Variants in XKR4 observed in about 807,000 individuals in gnomAD.
The protein encoded by XKR4 is XK related 4, also known as XK-related protein 4.
XKR4 carries 12 observed loss-of-function variants against 53.9 expected under a neutral mutation model. The ratio of observed to expected loss-of-function variants is 0.22; its 90% CI spans 0.14 to 0.36. XKR4 has a LOEUF of 0.36. XKR4 is among the 10% of genes least tolerant of loss of function. The pLI, the probability that XKR4 is intolerant of heterozygous loss-of-function variation, is 1.00. For missense variants in XKR4, 799 were observed against 859.5 expected, an observed-to-expected ratio of 0.93 and a Z score of 0.88; for synonymous variants, 354 against 362.4, an observed-to-expected ratio of 0.98 and a Z score of 0.26.
At chr8:55,452,899 T>C in intron 2 of XKR4, 1 of 790,380 alleles carries the variant, frequency 1.3e-6, no homozygotes, top group Admixed American at 1.7e-5. Context: ...ACGCAGTTGG[T>C]ATAGTGGATG....
intron 2 of XKR4, among the ~76,000 whole-genome samples, chr8:55,501,891 G>A (rs1242869129): frequency 6.6e-6 from 1 of 152,132 alleles, no homozygotes; most frequent in Admixed American, 6.5e-5. Flanking sequence ...CCCTGGGATA[G>A]CAGAATCCAC....
intron 1 of XKR4, among the ~76,000 whole-genome samples, chr8:55,133,430 C>T (rs1481466317): frequency 6.6e-6 from 1 of 152,182 alleles, no homozygotes; most frequent in Non-Finnish European, 1.5e-5. Flanking sequence ...TCCACACACT[C>T]GGTTCTGTTG....
At chr8:55,127,476 C>T (rs568207589) in intron 1 of XKR4, among the ~76,000 whole-genome samples, 223 of 151,708 alleles carry the variant, frequency 1.5e-3, no homozygotes, top group African/African-American at 2.3e-3. Context: ...TGGTCTCAAA[C>T]TCCTGAACTC....
chr8:55,420,446 C>T (rs1040945418), intron 2 of XKR4, among the ~76,000 whole-genome samples: 3 of 149,042 alleles, frequency 2.0e-5, no homozygotes, highest in African/African-American at 7.8e-5. Flanking sequence ...CCATGGAATA[C>T]TATGCAGCCA....
intron 2 of XKR4, among the ~76,000 whole-genome samples, chr8:55,468,427 C>A (rs1198009031): frequency 2.6e-5 from 4 of 152,066 alleles, no homozygotes; most frequent in Admixed American, 6.6e-5. Context: ...TTATCCCCAT[C>A]TCTGAGCACT....
chr8:55,255,498 G>A (rs952091432), intron 1 of XKR4, among the ~76,000 whole-genome samples: 22 of 152,016 alleles, frequency 1.4e-4, no homozygotes, highest in African/African-American at 3.4e-4. Context: ...TTTCATGAAG[G>A]CGAAGACTGG....
intron 1 of XKR4, among the ~76,000 whole-genome samples, chr8:55,126,669 G>A: frequency 6.6e-6 from 1 of 152,166 alleles, no homozygotes; most frequent in East Asian, 1.9e-4. Flanking sequence ...CAGACTTTCA[G>A]TTCTAGCTAC....
At chr8:55,449,727 G>A (rs1165881715) in intron 2 of XKR4, 43 of 927,434 alleles carry the variant, frequency 4.6e-5, no homozygotes, top group Non-Finnish European at 6.7e-5. Context: ...GTGTCCACAC[G>A]GTGGTCGTAG....
intron 2 of XKR4, among the ~76,000 whole-genome samples, chr8:55,509,959 A>C (rs2129404504): frequency 6.6e-6 from 1 of 151,510 alleles, no homozygotes; most frequent in Non-Finnish European, 1.5e-5. Context: ...TATTTGTAAA[A>C]CTCTACACTT....
chr8:55,498,697 C>T (rs569089246), intron 2 of XKR4, among the ~76,000 whole-genome samples: 1 of 152,240 alleles, frequency 6.6e-6, no homozygotes, highest in African/African-American at 2.4e-5. Flanking sequence ...CGCTTGAGGC[C>T]AGGAGGTCAA....
chr8:55,217,882 A>G (rs1002873716), intron 1 of XKR4, among the ~76,000 whole-genome samples: 1 of 152,224 alleles, frequency 6.6e-6, no homozygotes, highest in Non-Finnish European at 1.5e-5. Flanking sequence ...ATGGGGGAAA[A>G]AGTAAGAAGA....
chr8:55,383,647 A>G (rs1307085583), intron 2 of XKR4, among the ~76,000 whole-genome samples: 1 of 152,200 alleles, frequency 6.6e-6, no homozygotes, highest in Non-Finnish European at 1.5e-5. Flanking sequence ...TTTTCTAATA[A>G]TTAGAACAGT....
intron 1 of XKR4, among the ~76,000 whole-genome samples, chr8:55,318,840 T>C (rs952582560): frequency 6.6e-6 from 1 of 152,198 alleles, no homozygotes; most frequent in African/African-American, 2.4e-5. Flanking sequence ...AGAGTTGTTA[T>C]AAGTTTCTCT....
chr8:55,351,691 C>A lies in XKR4; in HGVS notation c.807-5987C>A, dbSNP rs191176793. Among the ~76,000 whole-genome samples the A allele has an allele frequency of 5.4e-4, 83 of 152,356 alleles. 2 individuals carry two copies. In the South Asian group the frequency reaches 0.016, roughly 29 times the overall value. On this transcript the variant is annotated intron_variant, in intron 1 of 2. Coordinates refer to ENST00000327381, the MANE Select transcript of XKR4 (RefSeq NM_052898.2). ...TTCTTCACAAGATAGCCAACTCTTACATCTTCACACAGCCAACATCACTGG... is the reference window on the plus strand; with the variant it reads ...TTCTTCACAAGATAGCCAACTCTTAAATCTTCACACAGCCAACATCACTGG...
intron 1 of XKR4, among the ~76,000 whole-genome samples, chr8:55,298,474 C>A (rs1263587300): frequency 6.6e-6 from 1 of 152,020 alleles, no homozygotes; most frequent in Non-Finnish European, 1.5e-5. Flanking sequence ...CCAGTCATGG[C>A]AGAAGGCAAA....
At chr8:55,283,734 T>A (rs539731680) in intron 1 of XKR4, among the ~76,000 whole-genome samples, 62 of 152,326 alleles carry the variant, frequency 4.1e-4, no homozygotes, top group Middle Eastern at 3.4e-3. Context: ...AATGCACATA[T>A]ATTTCTCTAT....
At chr8:55,131,311 G>T (rs1168852033) in intron 1 of XKR4, among the ~76,000 whole-genome samples, 1 of 152,166 alleles carries the variant, frequency 6.6e-6, no homozygotes, top group Admixed American at 6.5e-5. Context: ...GATCCTCAAA[G>T]AAAACAGGAA....
intron 2 of XKR4, among the ~76,000 whole-genome samples, chr8:55,499,296 G>C (rs1806402083): frequency 6.6e-6 from 1 of 152,144 alleles, no homozygotes; most frequent in Non-Finnish European, 1.5e-5. Flanking sequence ...GGAGCATAGA[G>C]GTCCTTTAAA....
intron 1 of XKR4, among the ~76,000 whole-genome samples, chr8:55,274,369 CTA>C (rs956135773): frequency 5.9e-5 from 9 of 152,130 alleles, no homozygotes; most frequent in African/African-American, 2.2e-4. Flanking sequence ...AGCCTTCTCC[CTA>C]TATCCTCATA....
Sources: allele counts gnomAD v4.1 joint callset (sites outside exome capture counted in the v4.1 genomes callset), GRCh38; gene constraint gnomAD v4.1.1; transcripts MANE v1.5; gene names NCBI Gene and HGNC (gene_info 2026-07-23, HGNC 2026-07-21).